Variants in PML observed in about 807,000 individuals in gnomAD.
PML encodes the protein PML nuclear body scaffold, also known as protein PML.
Under a neutral mutation model 65.2 loss-of-function variants are expected in PML, and 28 were observed. The ratio of observed to expected loss-of-function variants is 0.43; its 90% confidence interval spans 0.32 to 0.59. PML has a LOEUF of 0.59. Among genes scored for constraint, PML ranks in the 20% least tolerant of loss-of-function variants. PML has a pLI of 0.08. For missense variants in PML, 1,021 were observed against 1,203.4 expected (o/e 0.85, Z 2.24); for synonymous variants, 500 against 508.8 (o/e 0.98, Z 0.23).
At chr15:74,019,229 C>T (rs1295199402) in intron 2 of PML, among the ~76,000 whole-genome samples, 1 of 152,192 alleles carries the variant, frequency 6.6e-6, no homozygotes, top group African/African-American at 2.4e-5. Context: ...CTATGGCCAT[C>T]CAGAACGTCT....
intron 1 of PML, among the ~76,000 whole-genome samples, chr15:73,997,627 T>A (rs893707503): frequency 2.0e-5 from 3 of 152,214 alleles, no homozygotes; most frequent in Non-Finnish European, 4.4e-5. Flanking sequence ...TTCTGGGTCA[T>A]ATTGTTGTTC....
At chr15:74,001,490 C>T (rs1214784792) in intron 2 of PML, among the ~76,000 whole-genome samples, 3 of 152,090 alleles carry the variant, frequency 2.0e-5, no homozygotes, top group Non-Finnish European at 2.9e-5. Context: ...CAGGTGCCCA[C>T]CACCATGCCT....
chr15:74,011,533 A>G (rs2070333816), intron 2 of PML, among the ~76,000 whole-genome samples: 1 of 152,242 alleles, frequency 6.6e-6, no homozygotes, highest in Non-Finnish European at 1.5e-5. Flanking sequence ...ACTGAAGTGC[A>G]GGGGACAGGT....
intron 2 of PML, among the ~76,000 whole-genome samples, chr15:74,007,415 C>T (rs1354307961): frequency 6.6e-6 from 1 of 152,258 alleles, no homozygotes; most frequent in Non-Finnish European, 1.5e-5. Flanking sequence ...GAGCACGGTG[C>T]ATGGCCTTAA....
intron 7 of PML, among the ~76,000 whole-genome samples, chr15:74,039,856 G>T (rs1322767309): frequency 6.6e-6 from 1 of 152,192 alleles, no homozygotes; most frequent in South Asian, 2.1e-4. Flanking sequence ...CCGCAGAGGA[G>T]GGGAGAGGCT....
chr15:74,028,458 AT>A lies in PML; in HGVS notation c.1254+3532del, dbSNP rs1209157369. On this transcript the variant is annotated intron_variant, in intron 4 of 8. Transcript: ENST00000268058. Reference sequence around the variant, plus strand: ...CTCCTTTTTCAAAAAAAAAAAAAAAATGTTTAATTTTGGTAAAATACACATA... The same window carrying A: ...CTCCTTTTTCAAAAAAAAAAAAAAAAGTTTAATTTTGGTAAAATACACATA... 2.8e-4 allele frequency: 42 copies of A among 148,766 alleles called. No homozygotes were observed. The East Asian group carries it at 4.2e-3, about 15-fold the overall frequency. The allele number at this position is 148,766 out of a possible 1,614,324, so 9.2% of individuals were successfully genotyped here. A position where few individuals can be genotyped will look rare whatever the true frequency, so the allele number is the denominator to read the frequency against.
chr15:74,030,731 A>G (rs1230429230), intron 4 of PML, among the ~76,000 whole-genome samples: 1 of 152,148 alleles, frequency 6.6e-6, no homozygotes, highest in Non-Finnish European at 1.5e-5. Context: ...ACCTTGGGAA[A>G]TCACTTCACC....
chr15:74,036,137 G>A lies in PML; in HGVS notation c.1710+1607G>A, dbSNP rs1228132342. ...GGCAGGGAGACCTGGGTCTTCTCTG[G>A]CTGAGAGGGGAAGGCTAAGGCATGG... On this transcript the variant is annotated intron_variant, in intron 7 of 8. Coordinates refer to ENST00000268058, the MANE Select transcript of PML (RefSeq NM_033238.3). The A allele has an allele frequency of 1.9e-6, 3 of 1,609,988 alleles. No individual in the cohort carries two copies. In the African/African-American group the frequency reaches 4.0e-5, roughly 21 times the overall value.
In PML at chr15:74,033,997, G is replaced by C. The variant is rs929251310; in HGVS notation, c.1658-481G>C. ...AGAGTACAGCTTTGTTCCTCATTCT[G>C]ACTGAGCCCTAGCCTTGGTCACACA... On this transcript the variant is annotated intron_variant, in intron 6 of 8. Coordinates refer to ENST00000268058, the MANE Select transcript of PML (RefSeq NM_033238.3). 2.5e-5 allele frequency: 8 copies of C among 325,448 alleles called. No individual in the cohort carries two copies. In the East Asian group the frequency reaches 5.4e-4, roughly 22 times the overall value. The allele number at this position is 325,448 out of a possible 1,614,324, so 20.2% of individuals were successfully genotyped here.
chr15:74,041,753 C>T (rs759524457), intron 7 of PML, among the ~76,000 whole-genome samples: 1 of 152,194 alleles, frequency 6.6e-6, no homozygotes, highest in Admixed American at 6.5e-5. Context: ...TTCACTTGGG[C>T]ATTGGAAGGG....
At position 74,035,533 on chromosome 15, in the gene PML, T is replaced by C. The variant is rs1360622252; in HGVS notation, c.1710+1003T>C. ...ATTCGGACTTGGTCTCCCCATGTGG[T>C]CCAAGCCAGCACTCCTGCCATCACA... On this transcript the variant is annotated intron_variant, in intron 7 of 8. Coordinates refer to ENST00000268058, the MANE Select transcript of PML (RefSeq NM_033238.3). The surrounding 1 kb of genome is among the most constrained non-coding windows in gnomAD (Gnocchi z 4.1). The C allele has an allele frequency of 1.9e-6, 3 of 1,610,566 alleles. No individual in the cohort carries two copies. Among genetic ancestry groups the C allele is most frequent in the East Asian group, 2.2e-5 (1 of 44,820 alleles).
chr15:74,017,884 G>A (rs375486561), intron 2 of PML, among the ~76,000 whole-genome samples: 2 of 152,074 alleles, frequency 1.3e-5, no homozygotes, highest in Non-Finnish European at 2.9e-5. Context: ...GCCTGAAATC[G>A]CAGCACTTTT....
At chr15:74,034,217 T>C (rs1166061967) in intron 6 of PML, 2 of 545,768 alleles carry the variant, frequency 3.7e-6, no homozygotes, top group Non-Finnish European at 3.3e-6. Context: ...GGGGGCAAAT[T>C]CTGAATTCTG....
chr15:74,001,080 CT>C (rs1362245528), intron 2 of PML, among the ~76,000 whole-genome samples: 1 of 152,098 alleles, frequency 6.6e-6, no homozygotes, highest in Non-Finnish European at 1.5e-5. Flanking sequence ...CCTGAGTTAT[CT>C]TTCATTATTT....
chr15:74,046,716 G>A lies in PML; in HGVS notation c.*1708G>A, dbSNP rs2071774696. ...GTGCTGTTTTCAGATGTGATTGAGGGGTGTTCTGCCCTGCCTCCACTGTCA... is the reference window on the plus strand; with the variant it reads ...GTGCTGTTTTCAGATGTGATTGAGGAGTGTTCTGCCCTGCCTCCACTGTCA... On this transcript the variant is annotated 3_prime_UTR_variant, in exon 9 of 9. Transcript: ENST00000268058. 4.3e-6 allele frequency: 1 copy of A among 232,300 alleles called. No individual in the cohort carries two copies. Among genetic ancestry groups the A allele is most frequent in the Non-Finnish European group, 8.5e-6 (1 of 117,484 alleles). The allele number at this position is 232,300 out of a possible 1,614,324, so 14.4% of individuals were successfully genotyped here. A position where few individuals can be genotyped will look rare whatever the true frequency, so the allele number is the denominator to read the frequency against.
chr15:74,023,513 G>A (rs1214007215), intron 3 of PML, 105 bp downstream of exon 3: 3 of 923,744 alleles, frequency 3.2e-6, no homozygotes, highest in African/African-American at 1.6e-5. Context: ...AAAACTGGGT[G>A]TTTATTCAGT....
intron 1 of PML, 101 bp downstream of exon 1, chr15:73,995,042 C>G: frequency 1.8e-6 from 2 of 1,127,552 alleles, no homozygotes; most frequent in Non-Finnish European, 2.5e-6. Context: ...GTCAAGTACC[C>G]TAGAGAGTGA....
At chr15:73,995,777 C>T (rs1365350703) in intron 1 of PML, among the ~76,000 whole-genome samples, 1 of 152,066 alleles carries the variant, frequency 6.6e-6, no homozygotes, top group Non-Finnish European at 1.5e-5. Context: ...GTTTTTGAGA[C>T]GGAGTCTCAC....
At chr15:74,039,974 T>A (rs2071659496) in intron 7 of PML, among the ~76,000 whole-genome samples, 1 of 152,108 alleles carries the variant, frequency 6.6e-6, no homozygotes, top group African/African-American at 2.4e-5. Flanking sequence ...CTGTGTTGAG[T>A]TAGAATGCAC....
Sources: allele counts gnomAD v4.1 joint callset (sites outside exome capture counted in the v4.1 genomes callset), GRCh38; gene constraint gnomAD v4.1.1; non-coding constraint Gnocchi (gnomAD v3.1); transcripts MANE v1.5; gene names NCBI Gene and HGNC (gene_info 2026-07-23, HGNC 2026-07-21).